NR2F1-AS1: variants seen among roughly 807,000 people sequenced by gnomAD.
The protein encoded by NR2F1-AS1 is NR2F1 regulatory antisense RNA 1.
At chr5:93,499,432 C>T (rs1172279749) in intron 4 of NR2F1-AS1, among the ~76,000 whole-genome samples, 21 of 152,132 alleles carry the variant, frequency 1.4e-4, no homozygotes, top group South Asian at 6.2e-4. Context: ...CACAATATTT[C>T]CAACTTTTTC....
chr5:93,559,772 G>A (rs2149918405), intron 2 of NR2F1-AS1, among the ~76,000 whole-genome samples: 3 of 152,302 alleles, frequency 2.0e-5, no homozygotes, highest in Middle Eastern at 3.4e-3. Context: ...TTATCAATTA[G>A]CTTTGCTGTC....
chr5:93,523,649 A>G (rs560098107), intron 4 of NR2F1-AS1, among the ~76,000 whole-genome samples: 1 of 152,316 alleles, frequency 6.6e-6, no homozygotes, highest in Non-Finnish European at 1.5e-5. Flanking sequence ...AAGCTTCCAG[A>G]GGAAAGAACA....
intron 2 of NR2F1-AS1, among the ~76,000 whole-genome samples, chr5:93,562,671 T>C (rs765134211): frequency 1.7e-4 from 26 of 152,150 alleles, no homozygotes; most frequent in Non-Finnish European, 2.9e-4. Context: ...AAAGTCCCAA[T>C]ATAGTAATAT....
At chr5:93,570,128 C>T (rs1267871512) in intron 1 of NR2F1-AS1, 2 of 152,240 alleles carry the variant, frequency 1.3e-5, no homozygotes, top group Non-Finnish European at 2.9e-5. Context: ...TTTTTATGAA[C>T]TACATAGCAC....
chr5:93,483,839 GA>G lies in NR2F1-AS1; in HGVS notation n.638+69921del, dbSNP rs1326058955. ...CAATAGCCAAGTTGATTAAGCAGAA[GA>G]AAGGATATCAGAGATTGAAGATCAA... is the stretch of plus-strand genomic sequence containing the variant. On this transcript the variant is annotated intron_variant and non_coding_transcript_variant, in intron 4 of 5. Transcript: ENST00000660523. Among the ~76,000 whole-genome samples, 5 of 152,280 alleles carry G rather than the reference GA, an allele frequency of 3.3e-5. No individual in the cohort carries two copies. The East Asian group carries it at 9.6e-4, about 29-fold the overall frequency.
chr5:93,441,757 A>T (rs765531393), intron 4 of NR2F1-AS1, among the ~76,000 whole-genome samples: 2 of 152,212 alleles, frequency 1.3e-5, no homozygotes, highest in African/African-American at 2.4e-5. Flanking sequence ...CCTCTTTGTC[A>T]TAAAAATTAG....
intron 4 of NR2F1-AS1, among the ~76,000 whole-genome samples, chr5:93,552,846 A>G (rs1316451620): frequency 6.6e-6 from 1 of 152,170 alleles, no homozygotes; most frequent in African/African-American, 2.4e-5. Flanking sequence ...ATACTTCATG[A>G]TTATATAAGA....
At chr5:93,431,109 T>TA (rs1749303839) in intron 4 of NR2F1-AS1, among the ~76,000 whole-genome samples, 1 of 152,132 alleles carries the variant, frequency 6.6e-6, no homozygotes, top group African/African-American at 2.4e-5. Context: ...CCAGCACAGT[T>TA]ACACATTTTT....
chr5:93,437,940 T>C (rs1440559219), intron 4 of NR2F1-AS1, among the ~76,000 whole-genome samples: 1 of 152,196 alleles, frequency 6.6e-6, no homozygotes, highest in Non-Finnish European at 1.5e-5. Context: ...TCTCTTACTG[T>C]TGAAAGGTAA....
At chr5:93,476,673 T>C (rs1338936041) in intron 4 of NR2F1-AS1, among the ~76,000 whole-genome samples, 2 of 152,206 alleles carry the variant, frequency 1.3e-5, no homozygotes, top group African/African-American at 4.8e-5. Flanking sequence ...CCATCTGACA[T>C]GAATCATCTA....
At chr5:93,494,104 A>G (rs1750908907) in intron 4 of NR2F1-AS1, among the ~76,000 whole-genome samples, 1 of 152,228 alleles carries the variant, frequency 6.6e-6, no homozygotes, top group Non-Finnish European at 1.5e-5. Context: ...ATTATACCTG[A>G]TAAAGGATTA....
At chr5:93,469,688 T>C (rs1433818259) in intron 4 of NR2F1-AS1, among the ~76,000 whole-genome samples, 1 of 152,088 alleles carries the variant, frequency 6.6e-6, no homozygotes, top group African/African-American at 2.4e-5. Flanking sequence ...ACATGTTGAA[T>C]CAATAGATAC....
intron 4 of NR2F1-AS1, among the ~76,000 whole-genome samples, chr5:93,481,081 AT>A (rs1750590271): frequency 6.6e-6 from 1 of 152,164 alleles, no homozygotes; most frequent in Admixed American, 6.5e-5. Context: ...TGTAGAAAAA[AT>A]TTTTTAAAAA....
At chr5:93,578,222 T>C (rs1752939541) in intron 1 of NR2F1-AS1, among the ~76,000 whole-genome samples, 2 of 152,154 alleles carry the variant, frequency 1.3e-5, no homozygotes, top group Admixed American at 1.3e-4. Flanking sequence ...GTGCTTCTCT[T>C]CCTCTCTCAC....
At chr5:93,452,078 T>A (rs868500131) in intron 4 of NR2F1-AS1, among the ~76,000 whole-genome samples, 7 of 152,104 alleles carry the variant, frequency 4.6e-5, no homozygotes, top group Admixed American at 4.6e-4. Flanking sequence ...CTGAGAACAG[T>A]CTCTATTAAG....
At chr5:93,514,667 G>A (rs1162556316) in intron 4 of NR2F1-AS1, among the ~76,000 whole-genome samples, 1 of 151,970 alleles carries the variant, frequency 6.6e-6, no homozygotes, top group Non-Finnish European at 1.5e-5. Flanking sequence ...AATTCTTGCT[G>A]ATGCACTGAA....
At chr5:93,440,218 T>TCTCTCTCACA (rs1379862028) in intron 4 of NR2F1-AS1, among the ~76,000 whole-genome samples, 37 of 148,942 alleles carry the variant, frequency 2.5e-4, no homozygotes, top group African/African-American at 8.9e-4. Flanking sequence ...TCTCTCTCTC[T>TCTCTCTCACA]CACACACACA....
intron 4 of NR2F1-AS1, among the ~76,000 whole-genome samples, chr5:93,514,016 G>A (rs544292554): frequency 1.1e-4 from 17 of 152,102 alleles, no homozygotes; most frequent in Non-Finnish European, 1.6e-4. Flanking sequence ...TGACCCTCAT[G>A]AGAACACCAT....
intron 4 of NR2F1-AS1, among the ~76,000 whole-genome samples, chr5:93,547,130 T>C (rs1232704542): frequency 1.3e-5 from 2 of 152,110 alleles, no homozygotes; most frequent in Non-Finnish European, 2.9e-5. Context: ...AAATCATATA[T>C]GTGTGTGCGT....
Sources: gnomAD v4.1 joint callset for allele counts (sites outside exome capture counted in the v4.1 genomes callset) on GRCh38, gnomAD v4.1.1 for gene constraint, MANE v1.5 for transcripts, NCBI Gene and HGNC (gene_info 2026-07-23, HGNC 2026-07-21) for gene names.